SEC14L4: variants seen among roughly 807,000 people sequenced by gnomAD.
SEC14L4 encodes the protein SEC14-like protein 4.
A neutral mutation model predicts 55.1 loss-of-function variants in SEC14L4; 42 were observed. The observed-to-expected ratio is 0.76, with a 90% CI of 0.60 to 0.99. SEC14L4 has a LOEUF of 0.99. Ranked by LOEUF, SEC14L4 falls within the 50% of genes least tolerant of loss-of-function variation. The probability of loss-of-function intolerance (pLI) is 0.00; values close to 1 mark genes in which losing one functional copy is unlikely to be tolerated. For missense variants in SEC14L4, 445 were observed against 512.1 expected (o/e 0.87, Z 1.27); for synonymous variants, 206 against 206.8 (o/e 1.00, Z 0.03).
At chr22:30,495,741 C>A (rs1936127135) in intron 3 of SEC14L4, 99 bp from the exon 4 acceptor site, 2 of 1,609,330 alleles carry the variant, frequency 1.2e-6, no homozygotes, top group Non-Finnish European at 1.7e-6. Flanking sequence ...CCACAGCATA[C>A]CCAGGCTCTC....
At chr22:30,490,426 C>T (rs189497757) in intron 11 of SEC14L4, 180 bp from the exon 12 acceptor site, 7 of 945,014 alleles carry the variant, frequency 7.4e-6, no homozygotes, top group Non-Finnish European at 1.1e-5. Flanking sequence ...GAGGGCCAGC[C>T]TGTGCCCAGC....
rs750476685 is a variant in SEC14L4 at position 30,495,981 on chromosome 22, GAGGAGGTAAATA to G, written c.131-22_131-11del. 6 of 1,552,542 alleles carry G rather than the reference GAGGAGGTAAATA, an allele frequency of 3.9e-6. No homozygotes were observed. In the African/African-American group the frequency reaches 8.1e-5, roughly 21 times the overall value. Reference sequence around the variant, plus strand: ...AGGTCAAAGTTTCGAGCTGCAAGAAGAGGAGGTAAATAGAAGCTCAAGGCTAGATCCAGAAAG... The same window carrying G: ...AGGTCAAAGTTTCGAGCTGCAAGAAGGAAGCTCAAGGCTAGATCCAGAAAG... On this transcript the variant is annotated splice_polypyrimidine_tract_variant and intron_variant, in intron 2 of 11. Coordinates refer to ENST00000255858, the MANE Select transcript of SEC14L4 (RefSeq NM_174977.4).
intron 2 of SEC14L4, among the ~76,000 whole-genome samples, chr22:30,501,864 TATATATATATAC>T (rs988475309): frequency 8.4e-5 from 12 of 143,042 alleles, no homozygotes; most frequent in East Asian, 4.2e-4. Context: ...TATATATATA[TATATATATATAC>T]ATACACATAC....
At chr22:30,497,509 A>G (rs1936187988) in intron 2 of SEC14L4, among the ~76,000 whole-genome samples, 1 of 150,448 alleles carries the variant, frequency 6.6e-6, no homozygotes. Context: ...TGGGTGACTG[A>G]GTGAGACCCT....
intron 1 of SEC14L4, among the ~76,000 whole-genome samples, chr22:30,504,898 C>T (rs543998299): frequency 6.6e-6 from 1 of 152,104 alleles, no homozygotes; most frequent in Admixed American, 6.6e-5. Context: ...GGATGGATCA[C>T]AAGGTCAGGA....
intron 11 of SEC14L4, 158 bp downstream of exon 11, chr22:30,491,415 T>C (rs1935946728): frequency 5.3e-6 from 4 of 753,970 alleles, no homozygotes; most frequent in Non-Finnish European, 8.6e-6. Flanking sequence ...TCTGCCCTCA[T>C]ACCTACAGGT....
chr22:30,490,971 T>C (rs550745577), intron 11 of SEC14L4, among the ~76,000 whole-genome samples: 4 of 152,312 alleles, frequency 2.6e-5, no homozygotes, highest in South Asian at 4.1e-4. Flanking sequence ...TGCAGACTTG[T>C]CTGTCTCTAC....
intron 2 of SEC14L4, among the ~76,000 whole-genome samples, chr22:30,498,710 T>C (rs1279411991): frequency 6.6e-6 from 1 of 152,182 alleles, no homozygotes; most frequent in Non-Finnish European, 1.5e-5. Flanking sequence ...ACGTAACCAT[T>C]ACCAAGTCAA....
At chr22:30,499,026 C>T (rs533925368) in intron 2 of SEC14L4, among the ~76,000 whole-genome samples, 32 of 151,936 alleles carry the variant, frequency 2.1e-4, no homozygotes, top group Middle Eastern at 6.8e-3. Flanking sequence ...CTGCAAGCTC[C>T]GCCTCCCGGG....
At chr22:30,500,316 C>T (rs935574128) in intron 2 of SEC14L4, among the ~76,000 whole-genome samples, 2 of 151,936 alleles carry the variant, frequency 1.3e-5, no homozygotes, top group African/African-American at 4.8e-5. Context: ...GGATTTTGGT[C>T]TTATATATTA....
chr22:30,494,831 G>A, intron 6 of SEC14L4, 35 bp downstream of exon 6: 2 of 1,416,890 alleles, frequency 1.4e-6, no homozygotes, highest in Admixed American at 1.7e-5. Context: ...GGGAGCCACT[G>A]CCCACACCAG....
At position 30,505,602 on chromosome 22, in the gene SEC14L4, G is replaced by T. The variant is rs1424832223; in HGVS notation, c.10C>A (p.Arg4=). 4.5e-6 allele frequency: 7 copies of T among 1,564,084 alleles called. No individual in the cohort carries two copies. Among genetic ancestry groups the T allele is most frequent in the Non-Finnish European group, 6.0e-6 (7 of 1,158,868 alleles). MSS[R]VGDLSPQQQE... is the part of the protein sequence containing the mutation. Reference sequence around the variant, plus strand: ...TGCTGGGGGCTCAGGTCCCCGACTCGGCTGCTCATGGTGCCCGCGGGCGCA... The same window carrying T: ...TGCTGGGGGCTCAGGTCCCCGACTCTGCTGCTCATGGTGCCCGCGGGCGCA... The change falls in exon 1 of 12, where the codon CGA becomes AGA. Residue 4 remains arginine, a synonymous_variant. Transcript: ENST00000255858.
chr22:30,503,624 G>T, intron 2 of SEC14L4, 53 bp downstream of exon 2: 1 of 1,332,450 alleles, frequency 7.5e-7, no homozygotes, highest in South Asian at 1.2e-5. Flanking sequence ...CCTCTCCTGA[G>T]ACCCTCCTTC....
At chr22:30,504,725 TTGCGTC>T (rs1290772870) in intron 1 of SEC14L4, among the ~76,000 whole-genome samples, 1 of 152,178 alleles carries the variant, frequency 6.6e-6, no homozygotes, top group East Asian at 1.9e-4. Context: ...AGGGCATCTG[TTGCGTC>T]TGAGAGAGAG....
intron 3 of SEC14L4, 134 bp from the exon 4 acceptor site, chr22:30,495,776 T>TG (rs753192764): frequency 5.1e-5 from 81 of 1,598,836 alleles, no homozygotes; most frequent in Non-Finnish European, 6.5e-5. Flanking sequence ...GGAGGTGGGC[T>TG]GGGGGGACTT....
At chr22:30,495,807 T>C in intron 3 of SEC14L4, 121 bp downstream of exon 3, 1 of 1,591,228 alleles carries the variant, frequency 6.3e-7, no homozygotes, top group South Asian at 1.1e-5. Flanking sequence ...CAGAAAGAGA[T>C]CGGGGGAGGA....
At position 30,503,721 on chromosome 22, in the gene SEC14L4, A is replaced by G; in HGVS notation, c.86T>C (p.Ile29Thr). The change falls in exon 2 of 12, where the codon ATA becomes ACA. Residue 29 changes from isoleucine (I) to threonine (T), a missense_variant. Coordinates refer to ENST00000255858, the MANE Select transcript of SEC14L4 (RefSeq NM_174977.4). ...FRENLQDLLP[I>T]LPNADDYFLL... ...GAAGTAGTCATCAGCATTGGGCAGT[A>G]TGGGCAGCAGGTCCTGGAGGTTCTC... 5 of 1,612,494 alleles carry G rather than the reference A, an allele frequency of 3.1e-6. No homozygotes were observed. The highest frequency in any genetic ancestry group is 4.2e-6 in the Non-Finnish European group (5 of 1,178,978).
chr22:30,496,172 G>A (rs1936143624), intron 2 of SEC14L4, among the ~76,000 whole-genome samples: 1 of 152,192 alleles, frequency 6.6e-6, no homozygotes, highest in Non-Finnish European at 1.5e-5. Flanking sequence ...CCAGGCCAGA[G>A]TGCAGTGATG....
chr22:30,494,964 G>C lies in SEC14L4; in HGVS notation c.424-3C>G, dbSNP rs1358801810. The stretch of plus-strand genomic sequence containing the variant: ...GCCATCTCGATCTTCCTGCCCAGCT[G>C]CTTGGGACAGAGTCATATAGGTCAG... On this transcript the variant is annotated splice_region_variant and splice_polypyrimidine_tract_variant and intron_variant, in intron 5 of 11. Coordinates refer to ENST00000255858, the MANE Select transcript of SEC14L4 (RefSeq NM_174977.4). 3.7e-6 allele frequency: 6 copies of C among 1,612,504 alleles called. No individual in the cohort carries two copies. The highest frequency in any genetic ancestry group is 5.1e-6 in the Non-Finnish European group (6 of 1,179,580).
Sources: allele counts gnomAD v4.1 joint callset (sites outside exome capture counted in the v4.1 genomes callset), GRCh38; gene constraint gnomAD v4.1.1; transcripts MANE v1.5; gene names NCBI Gene and HGNC (gene_info 2026-07-23, HGNC 2026-07-21).